Variants in MEST observed in about 807,000 individuals in gnomAD.
MEST encodes the protein mesoderm specific transcript.
In MEST, 18 loss-of-function variants were observed where a neutral mutation model predicts 50.9. That is an observed-to-expected ratio of 0.35 (90% CI 0.24 to 0.52). The LOEUF (loss-of-function observed/expected upper bound fraction) is 0.52. MEST is among the 20% of genes least tolerant of loss of function. MEST has a pLI of 0.94. For synonymous variants in MEST, 130 were observed against 154.1 expected (o/e 0.84, Z 1.16); for missense variants, 282 against 425.3 (o/e 0.66, Z 2.96).
In MEST at chr7:130,497,101, C is replaced by T. The variant is rs1215546712; in HGVS notation, c.182-55C>T. 9.3e-6 allele frequency: 13 copies of T among 1,401,444 alleles called. No homozygotes were observed. Among genetic ancestry groups the T allele is most frequent in the Middle Eastern group, 1.8e-4 (1 of 5,606 alleles). The allele number at this position is 1,401,444 out of a possible 1,614,324, so 86.8% of individuals were successfully genotyped here. On this transcript the variant is annotated intron_variant, in intron 2 of 11. Transcript: ENST00000223215. The surrounding 1 kb of genome is among the most constrained non-coding windows in gnomAD (Gnocchi z 4.0). ...CAGATTACTTAGATTTTAACATCTT[C>T]GAGGTTATTTTTATAGGGATTTGGC... is the stretch of plus-strand genomic sequence containing the variant.
chr7:130,495,438 C>T lies in MEST; in HGVS notation c.97C>T (p.Pro33Ser), dbSNP rs1554436549. Residue 33 changes from proline to serine, a missense_variant, in exon 2 of 12, where the codon CCC (proline) becomes TCC (serine). Physicochemically the swap from Pro to Ser is moderately conservative, Grantham distance 74. Transcript: ENST00000223215. ...PLLAAYLHIP[P>S]PQLSPALHSW... is the part of the protein sequence containing the mutation. ...GCTTGCTGCGTACCTGCACATCCCA[C>T]CCCCTCAGCTCTCCCCTGCCCTTCA... 3 of 1,613,968 alleles carry T rather than the reference C, an allele frequency of 1.9e-6. No homozygotes were observed. The highest frequency in any genetic ancestry group is 1.7e-5 in the Admixed American group (1 of 60,000).
chr7:130,488,155 C>T (rs934075080), upstream of MEST: 1 of 152,166 alleles, frequency 6.6e-6, no homozygotes, highest in East Asian at 1.9e-4. Flanking sequence ...TATTTTACAT[C>T]AGATGGGAAA....
intron 1 of MEST, among the ~76,000 whole-genome samples, chr7:130,494,069 G>A (rs2268383): frequency 0.054 from 8,186 of 152,184 alleles, 327 homozygotes; most frequent in East Asian, 0.16. Context: ...AAATAGCCTG[G>A]GGAGCTGACA....
chr7:130,503,783 T>C lies in MEST; in HGVS notation c.827-150T>C, dbSNP rs193265252. 1.4e-3 allele frequency: 858 copies of C among 605,348 alleles called. 8 individuals are homozygous for C. Among genetic ancestry groups the C allele is most frequent in the Admixed American group, 0.014 (505 of 37,102 alleles). The allele number at this position is 605,348 out of a possible 1,614,324, so 37.5% of individuals were successfully genotyped here. ...GTGAGCTATGACTGCACCACTGCAC[T>C]CCAGCCTGAGCAAGGGAGAGAGAGA... On this transcript the variant is annotated intron_variant, in intron 10 of 11. Transcript: ENST00000223215.
chr7:130,492,467 C>A lies in MEST; in HGVS notation c.26+128C>A. The A allele has an allele frequency of 2.5e-6, 2 of 804,834 alleles. No homozygotes were observed. Among genetic ancestry groups the A allele is most frequent in the Non-Finnish European group, 3.4e-6 (2 of 596,506 alleles). The allele number at this position is 804,834 out of a possible 1,614,324, so 49.9% of individuals were successfully genotyped here. A position where few individuals can be genotyped will look rare whatever the true frequency, so the allele number is the denominator to read the frequency against. ...GGGCGAAAACTCTACCGACAGGCGGCACGCATTCCGCGCCCGCTCTGCCTA... is the reference window on the plus strand; with the variant it reads ...GGGCGAAAACTCTACCGACAGGCGGAACGCATTCCGCGCCCGCTCTGCCTA... On this transcript the variant is annotated intron_variant, in intron 1 of 11. Coordinates refer to ENST00000223215, the MANE Select transcript of MEST (RefSeq NM_002402.4). This position sits in a 1 kb window ranked among gnomAD's most constrained non-coding sequence, Gnocchi z 7.6.
chr7:130,495,508 G>GT lies in MEST; in HGVS notation c.168dup (p.Ile57TyrfsTer47). The GT allele has an allele frequency of 6.2e-7, 1 of 1,613,876 alleles. No individual in the cohort carries two copies. Among genetic ancestry groups the GT allele is most frequent in the Non-Finnish European group, 8.5e-7 (1 of 1,179,910 alleles). ...AAGTTTTTCACTTACAAGGGACTGCGTATCTTCTACCAAGGTAAGAAGTGG... is the reference window on the plus strand; with the variant it reads ...AAGTTTTTCACTTACAAGGGACTGCGTTATCTTCTACCAAGGTAAGAAGTGG... On this transcript the variant is annotated frameshift_variant, in exon 2 of 12. Transcript: ENST00000223215. LOFTEE classifies it high-confidence loss of function.
In MEST at chr7:130,504,953, G is replaced by A. The variant is rs1177215552; in HGVS notation, c.905G>A (p.Arg302Gln). The A allele has an allele frequency of 9.3e-6, 15 of 1,613,530 alleles. No homozygotes were observed. The highest frequency in any genetic ancestry group is 4.0e-5 in the African/African-American group (3 of 74,874). Residue 302 changes from arginine (R) to glutamine (Q), a missense_variant, in exon 12 of 12, where the codon CGG (arginine) becomes CAG (glutamine). Physicochemically the swap from Arg to Gln is conservative, Grantham distance 43. Coordinates refer to ENST00000223215, the MANE Select transcript of MEST (RefSeq NM_002402.4). ...TCTTCCACTAGGAAAACGCTGCCGC[G>A]GTCCACAGTGTCGATTCTGGATGAC... ...FLELYRKTLP[R>Q]STVSILDDHI...
chr7:130,497,806 A>G lies in MEST; in HGVS notation c.262-130A>G, dbSNP rs563320961. 2.6e-5 allele frequency: 20 copies of G among 769,204 alleles called. No homozygotes were observed. The African/African-American group carries it at 3.1e-4, about 12-fold the overall frequency. The allele number at this position is 769,204 out of a possible 1,614,324, so 47.6% of individuals were successfully genotyped here. ...GAGGATCATCTGTGGGACCTGTGGT[A>G]GTTTCATGGCGTTTTCTCTTTATGG... On this transcript the variant is annotated intron_variant, in intron 3 of 11. Coordinates refer to ENST00000223215, the MANE Select transcript of MEST (RefSeq NM_002402.4). This position sits in a 1 kb window ranked among gnomAD's most constrained non-coding sequence, Gnocchi z 4.0.
upstream of MEST, among the ~76,000 whole-genome samples, chr7:130,491,722 G>T (rs79538994): frequency 0.016 from 2,470 of 152,236 alleles, 66 homozygotes; most frequent in African/African-American, 0.057. The surrounding 1 kb of genome is among the most constrained non-coding windows in gnomAD (Gnocchi z 6.8). Context: ...TGGGGTTTGT[G>T]GGCGGCCTGT....
Position 130,497,482 on chromosome 7 carries a change from G to C in MEST, c.261+247G>C, listed in dbSNP as rs561672485. On this transcript the variant is annotated intron_variant, in intron 3 of 11. Coordinates refer to ENST00000223215, the MANE Select transcript of MEST (RefSeq NM_002402.4). This position sits in a 1 kb window ranked among gnomAD's most constrained non-coding sequence, Gnocchi z 4.0. The stretch of plus-strand genomic sequence containing the variant: ...TGAGGCAGGAGAATCGCTTGAACCC[G>C]GGAGGCAGAGGTTGCAGTGAGCTGA... 1.2e-3 allele frequency: 331 copies of C among 285,992 alleles called. No homozygotes were observed. Among genetic ancestry groups the C allele is most frequent in the Non-Finnish European group, 9.6e-4 (147 of 152,408 alleles). 17.7% of individuals were successfully genotyped at this position (285,992 alleles called of 1,614,324 possible). A position where few individuals can be genotyped will look rare whatever the true frequency, so the allele number is the denominator to read the frequency against.
At chr7:130,499,465 G>A (rs556630648) in intron 6 of MEST, among the ~76,000 whole-genome samples, 49 of 152,336 alleles carry the variant, frequency 3.2e-4, no homozygotes, top group Non-Finnish European at 6.5e-4. Flanking sequence ...GGGAGTCAGA[G>A]CCTGGTTATC....
At chr7:130,503,617 T>C (rs1194301116) in intron 10 of MEST, among the ~76,000 whole-genome samples, 1 of 152,180 alleles carries the variant, frequency 6.6e-6, no homozygotes, top group African/African-American at 2.4e-5. Flanking sequence ...GGCACCACTC[T>C]GGGCAACATA....
In MEST at chr7:130,500,418, T is replaced by C. The variant is rs1554438235; in HGVS notation, c.577-44T>C. The stretch of plus-strand genomic sequence containing the variant: ...AAAACCTTTTGCCCCGGTGAGGATC[T>C]TCCTCTGGGTTCTTGAGCTTTACCT... On this transcript the variant is annotated intron_variant, in intron 7 of 11. Coordinates refer to ENST00000223215, the MANE Select transcript of MEST (RefSeq NM_002402.4). The surrounding 1 kb of genome is among the most constrained non-coding windows in gnomAD (Gnocchi z 5.0). The C allele has an allele frequency of 1.3e-6, 2 of 1,561,664 alleles. No individual in the cohort carries two copies. Among genetic ancestry groups the C allele is most frequent in the East Asian group, 2.2e-5 (1 of 44,538 alleles).
upstream of MEST, chr7:130,490,811 T>G (rs1798776364): frequency 6.6e-6 from 1 of 152,290 alleles, no homozygotes; most frequent in Non-Finnish European, 1.5e-5. Context: ...GTGCTTTTTC[T>G]GGGGGCAACC....
chr7:130,505,782 C>CT lies in MEST; in HGVS notation c.*727dup, dbSNP rs1336056629. On this transcript the variant is annotated 3_prime_UTR_variant, in exon 12 of 12. Transcript: ENST00000223215. Reference sequence around the variant, plus strand: ...CTGAATAAATTGAACTAAATCCAAACTATTTCCTAAAATCACAGGACATTA... The same window carrying CT: ...CTGAATAAATTGAACTAAATCCAAACTTATTTCCTAAAATCACAGGACATTA... 12 of 152,198 alleles carry CT rather than the reference C, an allele frequency of 7.9e-5. No individual in the cohort carries two copies. Among genetic ancestry groups the CT allele is most frequent in the Non-Finnish European group, 1.3e-4 (9 of 68,030 alleles). 9.4% of individuals were successfully genotyped at this position (152,198 alleles called of 1,614,324 possible).
Position 130,505,245 on chromosome 7 carries a change from T to C in MEST, c.*189T>C. 1.8e-6 allele frequency: 1 copy of C among 546,062 alleles called. No individual in the cohort carries two copies. The highest frequency in any genetic ancestry group is 3.3e-6 in the Non-Finnish European group (1 of 301,728). 33.8% of individuals were successfully genotyped at this position (546,062 alleles called of 1,614,324 possible). ...GGAGCTCTGACTAAGGTTGACATAA[T>C]AGTCCACCTCCCATTACTTTGATAT... is the stretch of plus-strand genomic sequence containing the variant. On this transcript the variant is annotated 3_prime_UTR_variant, in exon 12 of 12. Coordinates refer to ENST00000223215, the MANE Select transcript of MEST (RefSeq NM_002402.4).
rs1799242203 is a variant in MEST at position 130,500,656 on chromosome 7, AAGT to A, written c.647+127_648-128del. ...CAAAGGTGTTGGCCGCTTGCCAGGG[AAGT>A]AGAAGGAATTCATAAATCACTTATG... On this transcript the variant is annotated intron_variant, in intron 8 of 11. Transcript: ENST00000223215. The surrounding 1 kb of genome is among the most constrained non-coding windows in gnomAD (Gnocchi z 5.0). 1 of 1,219,272 alleles carries A rather than the reference AAGT, an allele frequency of 8.2e-7. No homozygotes were observed. The highest frequency in any genetic ancestry group is 1.5e-5 in the African/African-American group (1 of 66,554). 75.5% of individuals were successfully genotyped at this position (1,219,272 alleles called of 1,614,324 possible). A position where few individuals can be genotyped will look rare whatever the true frequency, so the allele number is the denominator to read the frequency against.
intron 1 of MEST, 90 bp from the exon 2 acceptor site, chr7:130,495,278 A>G (rs1799002968): frequency 1.6e-5 from 21 of 1,350,378 alleles, no homozygotes; most frequent in African/African-American, 2.9e-5. Context: ...GGTAACAGCA[A>G]TCTCCCACCC....
rs782696869 is a variant in MEST, at chr7:130,497,189, T to C, written c.215T>C (p.Val72Ala). ...SVGVVGSPEI[V>A]VLLHGFPTSS... ...GGTGTGGTTGGAAGTCCAGAGATAG[T>C]TGTGCTTTTACACGGTTTTCCAACA... The change falls in exon 3 of 12, where the codon GTT becomes GCT. Residue 72 changes from valine (V) to alanine (A), a missense_variant. By Grantham distance (64) the Val-to-Ala change is moderately conservative (BLOSUM62 0). Coordinates refer to ENST00000223215, the MANE Select transcript of MEST (RefSeq NM_002402.4). The surrounding 1 kb of genome is among the most constrained non-coding windows in gnomAD (Gnocchi z 4.0). 2.5e-6 allele frequency: 4 copies of C among 1,613,412 alleles called. No individual in the cohort carries two copies. The highest frequency in any genetic ancestry group is 2.2e-5 in the East Asian group (1 of 44,814).
Sources: gnomAD v4.1 joint callset for allele counts (sites outside exome capture counted in the v4.1 genomes callset) on GRCh38, gnomAD v4.1.1 for gene constraint, Gnocchi (gnomAD v3.1) non-coding constraint, MANE v1.5 for transcripts, NCBI Gene and HGNC (gene_info 2026-07-23, HGNC 2026-07-21) for gene names.